ZFYVE28: variants seen among roughly 807,000 people sequenced by gnomAD.
ZFYVE28 encodes the protein lateral signaling target protein 2 homolog.
In ZFYVE28, 40 loss-of-function variants were observed where a neutral mutation model predicts 82.1. The observed-to-expected ratio is 0.49, with a 90% CI of 0.38 to 0.63. The LOEUF (loss-of-function observed/expected upper bound fraction) is 0.63, where lower values mean the gene tolerates loss of function less well. Ranked by LOEUF, ZFYVE28 falls within the 30% of genes least tolerant of loss-of-function variation. The probability of loss-of-function intolerance (pLI) is 0.00; values close to 1 mark genes in which losing one functional copy is unlikely to be tolerated. For synonymous variants in ZFYVE28, 612 were observed against 546.1 expected, an observed-to-expected ratio of 1.12 and a Z score of -1.68; for missense variants, 1,321 against 1,242.1, an observed-to-expected ratio of 1.06 and a Z score of -0.96.
rs996335594 is a variant in ZFYVE28 at position 2,296,690 on chromosome 4, G to A, written c.2051+7599C>T. Among the ~76,000 whole-genome samples the A allele has an allele frequency of 5.9e-5, 9 of 152,122 alleles. 1 individual carries two copies. The highest frequency in any genetic ancestry group is 2.1e-4 in the South Asian group (1 of 4,824). On this transcript the variant is annotated intron_variant, in intron 8 of 12. Transcript: ENST00000290974. ...AGACAGTCTGGGGGAAATGGCAGCCGTGTGAGCCTCCCAGTGAGGGGGAGG... is the reference window on the plus strand; with the variant it reads ...AGACAGTCTGGGGGAAATGGCAGCCATGTGAGCCTCCCAGTGAGGGGGAGG...
In ZFYVE28 at chr4:2,335,563, C is replaced by A. The variant is rs1265964982; in HGVS notation, c.701+142G>T. ...TGGTCTGCTGAGGGCTGACAGCAGG[C>A]CTGCCTGTCACTGATCGGGACAGCT... On this transcript the variant is annotated intron_variant, in intron 6 of 12. Transcript: ENST00000290974. This position sits in a 1 kb window ranked among gnomAD's most constrained non-coding sequence, Gnocchi z 5.8. The A allele has an allele frequency of 1.5e-5, 11 of 737,106 alleles. No homozygotes were observed. Among genetic ancestry groups the A allele is most frequent in the Non-Finnish European group, 2.3e-5 (10 of 443,262 alleles). 45.7% of individuals were successfully genotyped at this position (737,106 alleles called of 1,614,324 possible). A position where few individuals can be genotyped will look rare whatever the true frequency, so the allele number is the denominator to read the frequency against.
At chr4:2,363,095 G>C (rs141267417) in intron 1 of ZFYVE28, among the ~76,000 whole-genome samples, 2,025 of 152,242 alleles carry the variant, frequency 0.013, 20 homozygotes, top group Middle Eastern at 0.034. Flanking sequence ...AGACTCAGAA[G>C]ACCCTGGCAG....
intron 6 of ZFYVE28, among the ~76,000 whole-genome samples, chr4:2,333,383 G>C (rs1721038578): frequency 6.7e-6 from 1 of 149,068 alleles, no homozygotes; most frequent in African/African-American, 2.5e-5. Context: ...GCAGAGGTTT[G>C]GCCACCAGCA....
chr4:2,299,158 T>C (rs1469540412), intron 8 of ZFYVE28, among the ~76,000 whole-genome samples: 1 of 152,078 alleles, frequency 6.6e-6, no homozygotes, highest in African/African-American at 2.4e-5. Flanking sequence ...CATTTTCAAG[T>C]CCAAAAAGCG....
At chr4:2,311,143 A>G (rs575235148) in intron 7 of ZFYVE28, among the ~76,000 whole-genome samples, 1 of 152,242 alleles carries the variant, frequency 6.6e-6, no homozygotes, top group South Asian at 2.1e-4. Context: ...TCTCCTTTCC[A>G]TCTATATTAT....
intron 6 of ZFYVE28, among the ~76,000 whole-genome samples, chr4:2,334,678 A>G (rs1402870579): frequency 7.1e-6 from 1 of 139,972 alleles, no homozygotes; most frequent in Non-Finnish European, 1.6e-5. Flanking sequence ...CATCTCTCTC[A>G]AGGGCTCCCC....
chr4:2,314,244 G>T (rs539879356), intron 7 of ZFYVE28, among the ~76,000 whole-genome samples: 53 of 152,280 alleles, frequency 3.5e-4, no homozygotes, highest in Non-Finnish European at 7.2e-4. Context: ...TGTCTGCATG[G>T]TTTATGTTGT....
Position 2,418,312 on chromosome 4 carries a change from C to T in ZFYVE28, c.12G>A (p.Arg4=). 6.5e-7 allele frequency: 1 copy of T among 1,531,660 alleles called. No homozygotes were observed. The highest frequency in any genetic ancestry group is 8.8e-7 in the Non-Finnish European group (1 of 1,138,126). 94.9% of individuals were successfully genotyped at this position (1,531,660 alleles called of 1,614,324 possible). The change falls in exon 1 of 13, where the codon AGG becomes AGA. Residue 4 remains arginine (R), a synonymous_variant. Transcript: ENST00000290974. The surrounding 1 kb of genome is among the most constrained non-coding windows in gnomAD (Gnocchi z 4.6). MMN[R]FRKWLYKPKR... ...TGGGTTTGTAGAGCCACTTTCGGAACCTGTTCATCATCGCCGCGCCGGCCC... is the reference window on the plus strand; with the variant it reads ...TGGGTTTGTAGAGCCACTTTCGGAATCTGTTCATCATCGCCGCGCCGGCCC...
chr4:2,304,830 T>A lies in ZFYVE28; in HGVS notation c.1510A>T (p.Ile504Phe). The stretch of plus-strand genomic sequence containing the variant: ...TTCATGCCCCCTGTCCGGTGGGCGA[T>A]CATCTCAGCCGTCTCTGCGTCATCC... ...GADDAETAEM[I>F]AHRTGGMKLS... Residue 504 changes from isoleucine (I) to phenylalanine (F), a missense_variant, in exon 8 of 13, where the codon ATC becomes TTC. Coordinates refer to ENST00000290974, the MANE Select transcript of ZFYVE28 (RefSeq NM_020972.3). 1 of 1,612,542 alleles carries A rather than the reference T, an allele frequency of 6.2e-7. No homozygotes were observed. Among genetic ancestry groups the A allele is most frequent in the Non-Finnish European group, 8.5e-7 (1 of 1,179,896 alleles).
Position 2,353,921 on chromosome 4 carries a change from C to T in ZFYVE28, c.180+12G>A, listed in dbSNP as rs779292380. The T allele has an allele frequency of 6.7e-7, 1 of 1,501,926 alleles. No individual in the cohort carries two copies. Among genetic ancestry groups the T allele is most frequent in the Admixed American group, 2.1e-5 (1 of 48,282 alleles). The allele number at this position is 1,501,926 out of a possible 1,614,324, so 93.0% of individuals were successfully genotyped here. Reference sequence around the variant, plus strand: ...AGCGGGGCCAGCCAGCTTCTGCTGCCCCGTGGCTCACCTGACAGGAGCGGA... The same window carrying T: ...AGCGGGGCCAGCCAGCTTCTGCTGCTCCGTGGCTCACCTGACAGGAGCGGA... On this transcript the variant is annotated intron_variant, in intron 2 of 12. Transcript: ENST00000290974.
At position 2,345,336 on chromosome 4, in the gene ZFYVE28, T is replaced by G. The variant is rs1282053070; in HGVS notation, c.181-3721A>C. On this transcript the variant is annotated intron_variant, in intron 2 of 12. Coordinates refer to ENST00000290974, the MANE Select transcript of ZFYVE28 (RefSeq NM_020972.3). ...GGGACATTAAGACGGTTGTTATAAC[T>G]GATTCCCATGTGTTCAAAAAGTTAA... Among the ~76,000 whole-genome samples the G allele has an allele frequency of 2.0e-5, 3 of 152,166 alleles. No homozygotes were observed. The East Asian group carries it at 5.8e-4, about 29-fold the overall frequency.
intron 7 of ZFYVE28, among the ~76,000 whole-genome samples, chr4:2,315,194 T>A (rs975986547): frequency 2.0e-5 from 3 of 152,248 alleles, no homozygotes; most frequent in African/African-American, 7.2e-5. Context: ...TTGGAATAAT[T>A]CATGAAGGCA....
intron 5 of ZFYVE28, among the ~76,000 whole-genome samples, chr4:2,336,245 C>T (rs190565384): frequency 4.6e-5 from 7 of 152,216 alleles, no homozygotes; most frequent in African/African-American, 7.2e-5. Context: ...TTCTCCTCCC[C>T]GGGGCTTGTG....
intron 6 of ZFYVE28, among the ~76,000 whole-genome samples, chr4:2,334,488 C>A (rs1040779695): frequency 6.6e-6 from 1 of 151,976 alleles, no homozygotes; most frequent in Non-Finnish European, 1.5e-5. Flanking sequence ...CCATTTCCCA[C>A]GGGAGGGGTA....
In ZFYVE28 at chr4:2,372,072, G is replaced by C. The variant is rs766180185; in HGVS notation, c.40-17999C>G. Among the ~76,000 whole-genome samples the C allele has an allele frequency of 5.9e-5, 9 of 152,208 alleles. No homozygotes were observed. The highest frequency in any genetic ancestry group is 1.2e-4 in the Non-Finnish European group (8 of 68,036). On this transcript the variant is annotated intron_variant, in intron 1 of 12. Coordinates refer to ENST00000290974, the MANE Select transcript of ZFYVE28 (RefSeq NM_020972.3). This position sits in a 1 kb window ranked among gnomAD's most constrained non-coding sequence, Gnocchi z 5.2. The stretch of plus-strand genomic sequence containing the variant: ...GGTCAGCCCAGTGGAAGCCTGGAGG[G>C]GCGTGCAGCGTGTGGCCGGTTCTGG...
rs939536236 is a variant in ZFYVE28 at position 2,394,336 on chromosome 4, C to A, written c.39+23949G>T. 2.6e-5 allele frequency among the ~76,000 whole-genome samples: 4 copies of A among 152,170 alleles called. No homozygotes were observed. Among genetic ancestry groups the A allele is most frequent in the Non-Finnish European group, 5.9e-5 (4 of 68,028 alleles). On this transcript the variant is annotated intron_variant, in intron 1 of 12. Transcript: ENST00000290974. This position sits in a 1 kb window ranked among gnomAD's most constrained non-coding sequence, Gnocchi z 4.0. ...CCTTTGGGGGCCATCATTCTGCCTG[C>A]CGCAGGTGGCACAGCTGGGTCACCC...
intron 1 of ZFYVE28, among the ~76,000 whole-genome samples, chr4:2,361,105 A>G (rs1560281956): frequency 6.6e-6 from 1 of 152,230 alleles, no homozygotes. Flanking sequence ...ATCACACTAC[A>G]TCAATATTTT....
intron 8 of ZFYVE28, among the ~76,000 whole-genome samples, chr4:2,299,006 G>A (rs1035283325): frequency 1.3e-5 from 2 of 152,224 alleles, no homozygotes; most frequent in African/African-American, 4.8e-5. Flanking sequence ...CAGAAAGGCA[G>A]AGGAACAGAC....
At chr4:2,333,182 TC>T (rs1578130219) in intron 6 of ZFYVE28, among the ~76,000 whole-genome samples, 1 of 116,332 alleles carries the variant, frequency 8.6e-6, no homozygotes, top group Non-Finnish European at 1.8e-5. Flanking sequence ...TCCCTTGGCC[TC>T]CCCCGCAGCA....
Sources: allele counts gnomAD v4.1 joint callset (sites outside exome capture counted in the v4.1 genomes callset), GRCh38; gene constraint gnomAD v4.1.1; non-coding constraint Gnocchi (gnomAD v3.1); transcripts MANE v1.5; gene names NCBI Gene and HGNC (gene_info 2026-07-23, HGNC 2026-07-21).